CACNA1C: variants seen among roughly 807,000 people sequenced by gnomAD.
CACNA1C encodes voltage-dependent L-type calcium channel subunit alpha-1C.
A neutral mutation model predicts 229.0 loss-of-function variants in CACNA1C; 30 were observed. The ratio of observed to expected loss-of-function variants is 0.13; its 90% CI spans 0.10 to 0.18. The LOEUF is 0.18. Ranked by LOEUF, CACNA1C falls within the 10% of genes least tolerant of loss-of-function variation. The pLI, the probability that CACNA1C is intolerant of heterozygous loss-of-function variation, is 1.00. For synonymous variants in CACNA1C, 1,114 were observed against 1,132.5 expected, an observed-to-expected ratio of 0.98 and a Z score of 0.33; for missense variants, 1,658 against 2,845.0, an observed-to-expected ratio of 0.58 and a Z score of 9.49.
In CACNA1C at chr12:2,691,472, G is replaced by A. The variant is rs969217204; in HGVS notation, c.*273G>A. On this transcript the variant is annotated 3_prime_UTR_variant, in exon 47 of 47. Coordinates refer to ENST00000399655, the MANE Select transcript of CACNA1C (RefSeq NM_000719.7). ...CTCCCAGCTCGCAGGCCCCGGGCCC[G>A]GCCGCGCCTCCGCGGGGAGAGCACC... 2.2e-5 allele frequency: 8 copies of A among 370,178 alleles called. No individual in the cohort carries two copies. Among genetic ancestry groups the A allele is most frequent in the Non-Finnish European group, 1.9e-5 (4 of 209,760 alleles). 22.9% of individuals were successfully genotyped at this position (370,178 alleles called of 1,614,324 possible). A position where few individuals can be genotyped will look rare whatever the true frequency, so the allele number is the denominator to read the frequency against.
chr12:1,987,597 C>T (rs1253016968), intron 1 of CACNA1C, among the ~76,000 whole-genome samples: 1 of 152,100 alleles, frequency 6.6e-6, no homozygotes, highest in African/African-American at 2.4e-5. Context: ...TATTTCTCAT[C>T]CAATTTTTCT....
At chr12:2,657,433 T>C (rs1197764415) in intron 34 of CACNA1C, among the ~76,000 whole-genome samples, 1 of 152,068 alleles carries the variant, frequency 6.6e-6, no homozygotes, top group East Asian at 1.9e-4. Context: ...GGGAAAAGTG[T>C]GTATACATAT....
At chr12:2,507,875 C>T (rs1403348792) in intron 8 of CACNA1C, among the ~76,000 whole-genome samples, 1 of 152,218 alleles carries the variant, frequency 6.6e-6, no homozygotes, top group East Asian at 1.9e-4. Context: ...ACCCATAGGA[C>T]GGGTTCATCC....
rs564385155 is a variant in CACNA1C, at chr12:2,277,158, G to T, written c.477+156728G>T. On this transcript the variant is annotated intron_variant, in intron 3 of 46. Transcript: ENST00000399655. ...GGTGCTTCTCTTAATACCCCTTGAG[G>T]TAGCTATTGTTATTGTTATTATTAT... 2.0e-5 allele frequency among the ~76,000 whole-genome samples: 3 copies of T among 152,238 alleles called. No individual in the cohort carries two copies. In the South Asian group the frequency reaches 6.2e-4, roughly 32 times the overall value.
chr12:2,688,456 G>A lies in CACNA1C; in HGVS notation c.5794G>A (p.Val1932Met). 1.2e-6 allele frequency: 2 copies of A among 1,613,728 alleles called. No homozygotes were observed. The highest frequency in any genetic ancestry group is 1.7e-6 in the Non-Finnish European group (2 of 1,179,864). The change falls in exon 46 of 47, where the codon GTG becomes ATG. Residue 1932 changes from valine (V) to methionine (M), a missense_variant. Physicochemically the swap from Val to Met is conservative, Grantham distance 21. Around this residue, in one of 20 missense-constraint regions of CACNA1C, gnomAD observed 590 missense variants for 700.8 expected, o/e 0.84. Transcript: ENST00000399655. ...LHLVHHQALA[V>M]AGLSPLLQRS... ...CCTTGTGTGTCCGCAGGCATTGGCA[G>A]TGGCAGGCCTGAGCCCCCTCCTCCA...
At chr12:2,596,075 C>T in intron 20 of CACNA1C, 72 bp downstream of exon 20, 1 of 1,432,466 alleles carries the variant, frequency 7.0e-7, no homozygotes, top group Non-Finnish European at 9.5e-7. Flanking sequence ...CTGTTGCTGA[C>T]ATCATTGTTC....
chr12:2,120,692 G>T (rs77702982), intron 3 of CACNA1C, among the ~76,000 whole-genome samples: 333 of 150,624 alleles, frequency 2.2e-3, no homozygotes, highest in African/African-American at 7.8e-3. Context: ...GTGTGTGTGT[G>T]TGTGTTTAGT....
intron 43 of CACNA1C, among the ~76,000 whole-genome samples, chr12:2,683,616 A>AT: frequency 6.6e-6 from 1 of 152,238 alleles, no homozygotes; most frequent in Non-Finnish European, 1.5e-5. Flanking sequence ...GCTTGCGTGC[A>AT]GCCACTTGAA....
chr12:2,659,188 T>C (rs1427602041), intron 34 of CACNA1C, among the ~76,000 whole-genome samples: 2 of 152,200 alleles, frequency 1.3e-5, no homozygotes, highest in Non-Finnish European at 2.9e-5. Context: ...CTTTCAGTCC[T>C]GCAAGCTCCA....
At chr12:2,066,021 G>T (rs545455254) in intron 1 of CACNA1C, among the ~76,000 whole-genome samples, 1 of 152,162 alleles carries the variant, frequency 6.6e-6, no homozygotes, top group South Asian at 2.1e-4. Context: ...AGTGGAGAGA[G>T]GGTATACTCA....
intron 1 of CACNA1C, chr12:1,993,452 T>G: frequency 1.3e-6 from 2 of 1,572,348 alleles, no homozygotes; most frequent in Middle Eastern, 1.8e-4. Flanking sequence ...TGCTATATTT[T>G]CAGTATAAGT....
At chr12:2,401,177 T>G (rs1354270226) in intron 3 of CACNA1C, among the ~76,000 whole-genome samples, 1 of 152,220 alleles carries the variant, frequency 6.6e-6, no homozygotes, top group Non-Finnish European at 1.5e-5. Flanking sequence ...ATGTATGTTT[T>G]TGAGTCTCCA....
chr12:2,607,341 A>C, intron 26 of CACNA1C: 4 of 520,320 alleles, frequency 7.7e-6, no homozygotes, highest in South Asian at 3.8e-5. Context: ...GTGTCAAGAA[A>C]CTCCCACCAA....
chr12:2,176,248 G>T (rs536396173), intron 3 of CACNA1C, among the ~76,000 whole-genome samples: 3 of 152,266 alleles, frequency 2.0e-5, no homozygotes, highest in Admixed American at 6.5e-5. Context: ...GAAGGCTGGA[G>T]TGCGTGAGGT....
chr12:2,542,854 A>G (rs770726147), intron 9 of CACNA1C, among the ~76,000 whole-genome samples: 35 of 152,018 alleles, frequency 2.3e-4, no homozygotes, highest in Non-Finnish European at 4.7e-4. Context: ...GGTTGAGGGG[A>G]GAAGACATTA....
At chr12:2,383,073 A>G (rs1442269286) in intron 3 of CACNA1C, among the ~76,000 whole-genome samples, 1 of 152,316 alleles carries the variant, frequency 6.6e-6, no homozygotes. Flanking sequence ...CAGCACTATC[A>G]TTAATGAACT....
intron 3 of CACNA1C, among the ~76,000 whole-genome samples, chr12:2,306,926 C>T (rs1202996754): frequency 6.6e-6 from 1 of 152,184 alleles, no homozygotes; most frequent in Non-Finnish European, 1.5e-5. Context: ...CTAGTAGCGT[C>T]CATTGGCTGT....
At chr12:2,123,573 T>G (rs2088144823) in intron 3 of CACNA1C, among the ~76,000 whole-genome samples, 1 of 151,956 alleles carries the variant, frequency 6.6e-6, no homozygotes, top group Non-Finnish European at 1.5e-5. Flanking sequence ...GAACTCATTC[T>G]CTCTCCCACC....
chr12:2,250,348 C>T (rs1041666753), intron 3 of CACNA1C, among the ~76,000 whole-genome samples: 11 of 152,186 alleles, frequency 7.2e-5, no homozygotes, highest in Non-Finnish European at 1.3e-4. Context: ...GCAGAAACTC[C>T]CAGGTTGCAC....
Sources: gnomAD v4.1 joint callset for allele counts (sites outside exome capture counted in the v4.1 genomes callset) on GRCh38, gnomAD v4.1.1 for gene constraint, gnomAD v4.1.1 regional missense constraint, MANE v1.5 for transcripts, NCBI Gene and HGNC (gene_info 2026-07-23, HGNC 2026-07-21) for gene names.